The following AGBL1 variants were observed in gnomAD, a reference collection of about 807,000 sequenced individuals.
AGBL1 encodes the protein cytosolic carboxypeptidase 4.
In AGBL1, 130 loss-of-function variants were observed where a neutral mutation model predicts 118.9. The observed-to-expected ratio is 1.09, with a 90% CI of 0.95 to 1.26. The LOEUF is 1.26. AGBL1 is among the 50% of genes most tolerant of loss of function. The probability of loss-of-function intolerance (pLI) is 0.00; values close to 1 mark genes in which losing one functional copy is unlikely to be tolerated. For missense variants in AGBL1, 1,584 were observed against 1,298.1 expected, an observed-to-expected ratio of 1.22 and a Z score of -3.38; for synonymous variants, 555 against 478.9, an observed-to-expected ratio of 1.16 and a Z score of -2.08.
intron 21 of AGBL1, among the ~76,000 whole-genome samples, chr15:86,562,798 T>C (rs1024173037): frequency 6.6e-6 from 1 of 152,218 alleles, no homozygotes; most frequent in Admixed American, 6.5e-5. Context: ...GGATAGGCTA[T>C]TAATTATTGC....
intron 18 of AGBL1, among the ~76,000 whole-genome samples, chr15:86,480,619 C>T (rs1369834498): frequency 6.6e-6 from 1 of 151,734 alleles, no homozygotes; most frequent in Non-Finnish European, 1.5e-5. Context: ...CACAGTGTTA[C>T]AGAGGAATAA....
At chr15:87,012,805 C>CATCA (rs1323445351) in intron 24 of AGBL1, among the ~76,000 whole-genome samples, 2 of 151,964 alleles carry the variant, frequency 1.3e-5, no homozygotes, top group Non-Finnish European at 2.9e-5. Flanking sequence ...CCTCGAAATC[C>CATCA]ATCAGTTCTG....
At chr15:86,129,064 T>C (rs2076785649) in intron 1 of AGBL1, among the ~76,000 whole-genome samples, 1 of 152,180 alleles carries the variant, frequency 6.6e-6, no homozygotes, top group Non-Finnish European at 1.5e-5. Flanking sequence ...ATGTGGTGGA[T>C]GCTTTCTTTC....
chr15:86,745,418 T>A (rs2077741404), intron 22 of AGBL1, among the ~76,000 whole-genome samples: 1 of 152,000 alleles, frequency 6.6e-6, no homozygotes, highest in South Asian at 2.1e-4. Flanking sequence ...GTCCGTTGTT[T>A]TAAACATGCA....
At chr15:86,245,339 C>T (rs2078703108) in intron 6 of AGBL1, among the ~76,000 whole-genome samples, 1 of 152,188 alleles carries the variant, frequency 6.6e-6, no homozygotes, top group African/African-American at 2.4e-5. Context: ...CCCTCACACA[C>T]ACTCAGCCAG....
At chr15:86,270,801 A>G (rs1470064988) in intron 14 of AGBL1, among the ~76,000 whole-genome samples, 2 of 152,244 alleles carry the variant, frequency 1.3e-5, no homozygotes, top group Non-Finnish European at 2.9e-5. Context: ...GGTTGAAAAC[A>G]AGACAAATCT....
intron 23 of AGBL1, among the ~76,000 whole-genome samples, chr15:86,956,505 C>T (rs988369840): frequency 1.3e-5 from 2 of 151,866 alleles, no homozygotes; most frequent in African/African-American, 2.4e-5. Context: ...AGTGTAAAAA[C>T]TAGATTCAAG....
rs1249120312 is a variant in AGBL1 at position 86,615,995 on chromosome 15, G to T, written c.2995-58278G>T. ...CAGAAGAAAAGAGTTTCAGGAGGTT[G>T]GGGCAGGGAGATTAAGCTGATTAGG... On this transcript the variant is annotated intron_variant, in intron 21 of 22. Coordinates refer to ENST00000614907, the MANE Select transcript of AGBL1 (RefSeq NM_001386094.1). This position sits in a 1 kb window ranked among gnomAD's most constrained non-coding sequence, Gnocchi z 4.3. 1.3e-5 allele frequency among the ~76,000 whole-genome samples: 2 copies of T among 152,062 alleles called. No homozygotes were observed. Among genetic ancestry groups the T allele is most frequent in the Non-Finnish European group, 2.9e-5 (2 of 68,004 alleles).
intron 19 of AGBL1, among the ~76,000 whole-genome samples, chr15:86,545,785 A>G (rs2083571419): frequency 6.6e-6 from 1 of 152,148 alleles, no homozygotes; most frequent in Non-Finnish European, 1.5e-5. Flanking sequence ...TAAAGTCTAC[A>G]TTCTCCTCTG....
intron 22 of AGBL1, among the ~76,000 whole-genome samples, chr15:86,866,520 G>C (rs1596567335): frequency 6.6e-6 from 1 of 152,136 alleles, no homozygotes; most frequent in Non-Finnish European, 1.5e-5. Context: ...TTTCCCAAAG[G>C]AGGCATTTTT....
chr15:86,431,765 A>G (rs1418336941), intron 18 of AGBL1, among the ~76,000 whole-genome samples: 2 of 152,152 alleles, frequency 1.3e-5, no homozygotes, highest in Non-Finnish European at 2.9e-5. Context: ...GGACCCTATT[A>G]TAGTGCTTAT....
At chr15:86,087,937 C>G (rs1895771595) in intron 1 of AGBL1, among the ~76,000 whole-genome samples, 1 of 152,232 alleles carries the variant, frequency 6.6e-6, no homozygotes, top group African/African-American at 2.4e-5. Context: ...TCTCCACAGG[C>G]TGGAAGGACT....
chr15:86,938,459 C>CTT, intron 23 of AGBL1, among the ~76,000 whole-genome samples: 1 of 152,076 alleles, frequency 6.6e-6, no homozygotes, highest in Non-Finnish European at 1.5e-5. Context: ...TGGAGAAAAC[C>CTT]AAAGTGTTGT....
chr15:86,801,312 T>TCTATCTATCTAA (rs1381186781), intron 22 of AGBL1, among the ~76,000 whole-genome samples: 1 of 116,904 alleles, frequency 8.6e-6, no homozygotes, highest in Non-Finnish European at 1.7e-5. Flanking sequence ...GATGATTACA[T>TCTATCTATCTAA]CTATCTATCT....
intron 21 of AGBL1, among the ~76,000 whole-genome samples, chr15:86,609,589 A>C (rs896766295): frequency 6.6e-6 from 1 of 152,178 alleles, no homozygotes; most frequent in Non-Finnish European, 1.5e-5. Context: ...ACTCAATCAT[A>C]GGACACATTG....
chr15:86,164,261 C>G (rs540036203), intron 5 of AGBL1, among the ~76,000 whole-genome samples: 1 of 152,230 alleles, frequency 6.6e-6, no homozygotes, highest in East Asian at 1.9e-4. Flanking sequence ...TCTGGGGGTG[C>G]TTTTTATAGA....
intron 22 of AGBL1, among the ~76,000 whole-genome samples, chr15:86,706,686 C>A (rs995348019): frequency 6.6e-6 from 1 of 152,130 alleles, no homozygotes; most frequent in African/African-American, 2.4e-5. Context: ...ATGCTGTTCT[C>A]CTTACAAGAC....
chr15:86,901,699 A>G (rs995424461), intron 22 of AGBL1, among the ~76,000 whole-genome samples: 2 of 152,128 alleles, frequency 1.3e-5, no homozygotes, highest in African/African-American at 2.4e-5. Flanking sequence ...ATTTTTAATA[A>G]TTGAATAAAA....
chr15:86,092,328 A>G (rs895713660), intron 1 of AGBL1, among the ~76,000 whole-genome samples: 4 of 152,200 alleles, frequency 2.6e-5, no homozygotes, highest in Admixed American at 2.6e-4. Context: ...ATTACAAATG[A>G]AGCAGTAGCA....
Sources: gnomAD v4.1 joint callset for allele counts (sites outside exome capture counted in the v4.1 genomes callset) on GRCh38, gnomAD v4.1.1 for gene constraint, Gnocchi (gnomAD v3.1) non-coding constraint, MANE v1.5 for transcripts, NCBI Gene and HGNC (gene_info 2026-07-23, HGNC 2026-07-21) for gene names.